Variants in PHC3 observed in about 807,000 individuals in gnomAD.
The protein encoded by PHC3 is polyhomeotic-like protein 3.
A neutral mutation model predicts 107.4 loss-of-function variants in PHC3; 13 were observed. The observed-to-expected ratio is 0.12, with a 90% CI of 0.08 to 0.19. The LOEUF is 0.19. Among genes scored for constraint, PHC3 ranks in the 10% least tolerant of loss-of-function variants. The pLI is 1.00. For missense variants in PHC3, 992 were observed against 1,210.9 expected (o/e 0.82, Z 2.68); for synonymous variants, 456 against 427.4 (o/e 1.07, Z -0.83).
At position 170,126,504 on chromosome 3, in the gene PHC3, G is replaced by GTA. The variant is rs1174515889; in HGVS notation, c.1788+2178_1788+2179dup. 8.1e-3 allele frequency among the ~76,000 whole-genome samples: 945 copies of GTA among 117,186 alleles called. 11 individuals carry two copies. The highest frequency in any genetic ancestry group is 0.033 in the South Asian group (118 of 3,590). 76.9% of individuals were successfully genotyped at this position (117,186 alleles called of 152,430 possible). ...GTTTTCAAAGTATTATGCTCCATATGTATATATATATATATATATATATAT... is the reference window on the plus strand; with the variant it reads ...GTTTTCAAAGTATTATGCTCCATATGTATATATATATATATATATATATATAT... On this transcript the variant is annotated intron_variant, in intron 8 of 14. Transcript: ENST00000495893.
At chr3:170,126,526 A>ATTTTTT (rs1228512093) in intron 8 of PHC3, among the ~76,000 whole-genome samples, 6 of 84,228 alleles carry the variant, frequency 7.1e-5, no homozygotes, top group African/African-American at 2.4e-4. Flanking sequence ...ATATATATAT[A>ATTTTTT]TATTTTTTTT....
rs1315834088 is a variant in PHC3, at chr3:170,088,415, C to T, written c.*8815G>A. The stretch of plus-strand genomic sequence containing the variant: ...GTACTAATTTAAAAGGCTTGAAATG[C>T]CTGCCACCATTGTCAGTATCCATCC... On this transcript the variant is annotated 3_prime_UTR_variant, in exon 15 of 15. Coordinates refer to ENST00000495893, the MANE Select transcript of PHC3 (RefSeq NM_024947.4). 2 of 152,142 alleles carry T rather than the reference C, an allele frequency of 1.3e-5. No individual in the cohort carries two copies. Among genetic ancestry groups the T allele is most frequent in the African/African-American group, 4.8e-5 (2 of 41,430 alleles). 9.4% of individuals were successfully genotyped at this position (152,142 alleles called of 1,614,324 possible). A position where few individuals can be genotyped will look rare whatever the true frequency, so the allele number is the denominator to read the frequency against.
intron 4 of PHC3, chr3:170,150,531 T>TGAAA (rs1414559632): frequency 1.3e-5 from 1 of 77,104 alleles, no homozygotes; most frequent in African/African-American, 5.3e-5. Context: ...CTGTCTCTAC[T>TGAAA]AAAAAAAAAA....
intron 5 of PHC3, among the ~76,000 whole-genome samples, chr3:170,146,626 G>A (rs1725007557): frequency 2.0e-5 from 3 of 146,914 alleles, no homozygotes; most frequent in South Asian, 2.2e-4. Context: ...TCTGCCTCCC[G>A]GGTTCAAGCG....
intron 1 of PHC3, among the ~76,000 whole-genome samples, chr3:170,179,929 T>C (rs1731108614): frequency 6.6e-6 from 1 of 152,142 alleles, no homozygotes; most frequent in South Asian, 2.1e-4. Flanking sequence ...GGTCTTTTCT[T>C]CTGAGAAACT....
In PHC3 at chr3:170,111,084, A is replaced by G. The variant is rs573155205; in HGVS notation, c.2353+2276T>C. Among the ~76,000 whole-genome samples, 13 of 152,314 alleles carry G rather than the reference A, an allele frequency of 8.5e-5. No homozygotes were observed. In the South Asian group the frequency reaches 2.7e-3, roughly 32 times the overall value. On this transcript the variant is annotated intron_variant, in intron 11 of 14. Transcript: ENST00000495893. Reference sequence around the variant, plus strand: ...CTTATTTGGAACCTGATTTAACTAAATAACTATAAAATGACTTTAAAAAGT... The same window carrying G: ...CTTATTTGGAACCTGATTTAACTAAGTAACTATAAAATGACTTTAAAAAGT...
Position 170,178,839 on chromosome 3 carries a change from A to T in PHC3, c.114T>A (p.Thr38=). The change falls in exon 2 of 15, where the codon ACT becomes ACA. Residue 38 remains threonine, a synonymous_variant. Coordinates refer to ENST00000495893, the MANE Select transcript of PHC3 (RefSeq NM_024947.4). ...TSSTTTTTIT[T]SSSRMQQPQI... ...GTGGCTGCTGCATTCGAGAGGAGGA[A>T]GTGGTGATGGTGGTGGTGGTGGTAC... 3.1e-6 allele frequency: 5 copies of T among 1,613,990 alleles called. No individual in the cohort carries two copies. Among genetic ancestry groups the T allele is most frequent in the Non-Finnish European group, 4.2e-6 (5 of 1,179,882 alleles).
intron 4 of PHC3, chr3:170,150,666 T>C (rs938052257): frequency 2.5e-5 from 9 of 358,590 alleles, no homozygotes; most frequent in East Asian, 1.2e-4. Context: ...TGAGCCGAGA[T>C]TGCGCCACTG....
rs768731420 is a variant in PHC3 at position 170,102,480 on chromosome 3, A to C, written c.2832T>G (p.Pro944=). Residue 944 remains proline (P), a splice_region_variant and synonymous_variant, in exon 14 of 15, where the codon CCT becomes CCG. Transcript: ENST00000495893. ...DDVWAFIHSL[P]GCQDIADEFR... is the part of the protein sequence containing the mutation. ...AGGCCAAAGTGATGAATTACATACC[A>C]GGCAAAGAATGGATGAAGGCCCAGA... is the stretch of plus-strand genomic sequence containing the variant. 337 of 1,612,884 alleles carry C rather than the reference A, an allele frequency of 2.1e-4. No individual in the cohort carries two copies. The highest frequency in any genetic ancestry group is 2.7e-4 in the Non-Finnish European group (324 of 1,179,436).
intron 10 of PHC3, among the ~76,000 whole-genome samples, chr3:170,116,728 G>A (rs998740482): frequency 2.0e-5 from 3 of 151,846 alleles, no homozygotes; most frequent in Admixed American, 1.3e-4. Flanking sequence ...TGAGAAACAC[G>A]GCAAGACCTT....
intron 4 of PHC3, among the ~76,000 whole-genome samples, chr3:170,169,106 A>G (rs914242110): frequency 6.6e-6 from 1 of 152,156 alleles, no homozygotes; most frequent in Admixed American, 6.5e-5. Flanking sequence ...GGGTTTTCAT[A>G]TTAGGAATAA....
intron 4 of PHC3, chr3:170,150,063 T>C (rs1191839474): frequency 6.6e-6 from 1 of 152,204 alleles, no homozygotes; most frequent in African/African-American, 2.4e-5. Flanking sequence ...TGTATTCAAA[T>C]ATCACCCTGT....
At chr3:170,138,626 GT>G (rs934122598) in intron 6 of PHC3, among the ~76,000 whole-genome samples, 10 of 148,716 alleles carry the variant, frequency 6.7e-5, no homozygotes, top group Non-Finnish European at 1.5e-4. Context: ...GGAGGCAGAG[GT>G]TGCAGTGAGC....
At chr3:170,166,925 G>T (rs186999606) in intron 4 of PHC3, among the ~76,000 whole-genome samples, 44 of 152,136 alleles carry the variant, frequency 2.9e-4, no homozygotes, top group African/African-American at 1.0e-3. Context: ...AAAGCACTAG[G>T]ATTACAAGCA....
At chr3:170,128,394 G>GA (rs910792289) in intron 8 of PHC3, 52 of 1,334,562 alleles carry the variant, frequency 3.9e-5, no homozygotes, top group Admixed American at 1.4e-4. Context: ...TTCCCTTGGG[G>GA]AAAAAAAATC....
rs537159593 is a variant in PHC3, at chr3:170,091,770, T to A, written c.*5460A>T. The A allele has an allele frequency of 7.1e-6, 1 of 141,222 alleles. No individual in the cohort carries two copies. The highest frequency in any genetic ancestry group is 1.6e-5 in the Non-Finnish European group (1 of 63,488). 8.7% of individuals were successfully genotyped at this position (141,222 alleles called of 1,614,324 possible). A position where few individuals can be genotyped will look rare whatever the true frequency, so the allele number is the denominator to read the frequency against. On this transcript the variant is annotated 3_prime_UTR_variant, in exon 15 of 15. Transcript: ENST00000495893. Reference sequence around the variant, plus strand: ...ATTTGTATTATTTGTATTAATGCTTTACAACTTTCAAAAAAAAGCTTTCTC... The same window carrying A: ...ATTTGTATTATTTGTATTAATGCTTAACAACTTTCAAAAAAAAGCTTTCTC...
intron 8 of PHC3, among the ~76,000 whole-genome samples, chr3:170,125,768 G>C (rs1247181496): frequency 1.3e-5 from 2 of 152,066 alleles, no homozygotes; most frequent in Non-Finnish European, 2.9e-5. Context: ...AAAAGAAGTA[G>C]GCAAAAACAA....
At chr3:170,098,150 T>A (rs989113360) in intron 14 of PHC3, among the ~76,000 whole-genome samples, 1 of 152,176 alleles carries the variant, frequency 6.6e-6, no homozygotes, top group African/African-American at 2.4e-5. Context: ...AATGCTAGTA[T>A]CTACCTGAAA....
Position 170,172,718 on chromosome 3 carries a change from A to G in PHC3, c.181-6T>C. ...TGCAATGCCTGTTGAATTACCTGTG[A>G]TAAGTCAATTGAACCAATGTCAAAC... On this transcript the variant is annotated splice_polypyrimidine_tract_variant and splice_region_variant and intron_variant, in intron 2 of 14. Coordinates refer to ENST00000495893, the MANE Select transcript of PHC3 (RefSeq NM_024947.4). The G allele has an allele frequency of 6.3e-7, 1 of 1,587,162 alleles. No individual in the cohort carries two copies.
Sources: gnomAD v4.1 joint callset for allele counts (sites outside exome capture counted in the v4.1 genomes callset) on GRCh38, gnomAD v4.1.1 for gene constraint, MANE v1.5 for transcripts, NCBI Gene and HGNC (gene_info 2026-07-23, HGNC 2026-07-21) for gene names.